The following OVOL2 variants were observed in gnomAD, a reference collection of about 807,000 sequenced individuals.
The protein encoded by OVOL2 is transcription factor Ovo-like 2.
OVOL2 carries 13 observed loss-of-function variants against 18.1 expected under a neutral mutation model. The ratio of observed to expected loss-of-function variants is 0.72; its 90% CI spans 0.47 to 1.14. The LOEUF is 1.14. Ranked by LOEUF, OVOL2 falls within the 50% of genes most tolerant of loss-of-function variation. The pLI, the probability that OVOL2 is intolerant of heterozygous loss-of-function variation, is 0.00. For synonymous variants in OVOL2, 166 were observed against 162.7 expected, an observed-to-expected ratio of 1.02 and a Z score of -0.16; for missense variants, 335 against 383.0, an observed-to-expected ratio of 0.87 and a Z score of 1.05.
chr20:18,027,515 G>A (rs536745466), intron 3 of OVOL2, among the ~76,000 whole-genome samples: 117 of 128,602 alleles, frequency 9.1e-4, no homozygotes, highest in Non-Finnish European at 1.5e-3. Flanking sequence ...GCAACAGAGC[G>A]CGACTCCGTC....
At chr20:18,039,346 G>A (rs987008686) in intron 3 of OVOL2, among the ~76,000 whole-genome samples, 1 of 152,192 alleles carries the variant, frequency 6.6e-6, no homozygotes, top group African/African-American at 2.4e-5. Flanking sequence ...TTTTGGCCGG[G>A]TGTGGTGGCT....
At chr20:18,027,884 T>C (rs1003612605) in intron 3 of OVOL2, among the ~76,000 whole-genome samples, 1 of 152,110 alleles carries the variant, frequency 6.6e-6, no homozygotes, top group African/African-American at 2.4e-5. Flanking sequence ...CGTGAGCCAC[T>C]GCGCCCGGCT....
At chr20:18,044,566 C>T (rs1336924181) in intron 2 of OVOL2, among the ~76,000 whole-genome samples, 1 of 152,148 alleles carries the variant, frequency 6.6e-6, no homozygotes, top group Non-Finnish European at 1.5e-5. Flanking sequence ...CCCCAGCTAA[C>T]ATTGATAAGT....
chr20:18,034,566 T>C (rs572183841), intron 3 of OVOL2, among the ~76,000 whole-genome samples: 4 of 152,108 alleles, frequency 2.6e-5, no homozygotes, highest in African/African-American at 9.6e-5. Flanking sequence ...TCTGCACAGG[T>C]CAGTTTCTCT....
chr20:18,032,670 CT>C (rs2036582495), intron 3 of OVOL2, among the ~76,000 whole-genome samples: 1 of 149,660 alleles, frequency 6.7e-6, no homozygotes, highest in South Asian at 2.1e-4. Flanking sequence ...CCATGCCCAG[CT>C]AATTTTTGTG....
chr20:18,041,332 T>A (rs1434373293), intron 3 of OVOL2, among the ~76,000 whole-genome samples: 1 of 152,034 alleles, frequency 6.6e-6, no homozygotes, highest in Non-Finnish European at 1.5e-5. Context: ...CCAGCTAATT[T>A]TTTTGTATTT....
At chr20:18,034,657 A>T (rs576263218) in intron 3 of OVOL2, among the ~76,000 whole-genome samples, 5,003 of 132,424 alleles carry the variant, frequency 0.038, 298 homozygotes, top group African/African-American at 0.15. Flanking sequence ...TCTCTCACAC[A>T]CACACACACA....
In OVOL2 at chr20:18,056,205, G is replaced by T. The variant is rs1438992624; in HGVS notation, c.321+452C>A. Reference sequence around the variant, plus strand: ...CCAGGTCCAGAACATAAGCATGGGGGGTGAACTCTCAGAATCGCGGCGCCA... The same window carrying T: ...CCAGGTCCAGAACATAAGCATGGGGTGTGAACTCTCAGAATCGCGGCGCCA... On this transcript the variant is annotated intron_variant, in intron 2 of 3. Coordinates refer to ENST00000278780, the MANE Select transcript of OVOL2 (RefSeq NM_021220.4). The surrounding 1 kb of genome is among the most constrained non-coding windows in gnomAD (Gnocchi z 4.2). Among the ~76,000 whole-genome samples the T allele has an allele frequency of 6.6e-6, 1 of 152,208 alleles. No individual in the cohort carries two copies. The highest frequency in any genetic ancestry group is 1.5e-5 in the Non-Finnish European group (1 of 68,042).
rs1214113744 is a variant in OVOL2, at chr20:18,024,478, A to G, written c.*158T>C. ...CTGACGTCACTAACGGCAACTGACA[A>G]TCTTGGAATGGACCCTACTGCTGAT... On this transcript the variant is annotated 3_prime_UTR_variant, in exon 4 of 4. Transcript: ENST00000278780. 5 of 1,405,162 alleles carry G rather than the reference A, an allele frequency of 3.6e-6. No individual in the cohort carries two copies. The highest frequency in any genetic ancestry group is 2.8e-6 in the Non-Finnish European group (3 of 1,072,638). 87.0% of individuals were successfully genotyped at this position (1,405,162 alleles called of 1,614,324 possible).
At chr20:18,034,547 CAG>C (rs1158087539) in intron 3 of OVOL2, among the ~76,000 whole-genome samples, 3 of 152,070 alleles carry the variant, frequency 2.0e-5, no homozygotes, top group Non-Finnish European at 2.9e-5. Flanking sequence ...CAAAATATTA[CAG>C]AGTTTTTCTG....
At chr20:18,033,830 C>A (rs1435562578) in intron 3 of OVOL2, among the ~76,000 whole-genome samples, 3 of 152,146 alleles carry the variant, frequency 2.0e-5, no homozygotes, top group Non-Finnish European at 2.9e-5. Context: ...CAAACCAAAT[C>A]GTTTACTTCA....
At chr20:18,053,965 C>T (rs1393155664) in intron 2 of OVOL2, among the ~76,000 whole-genome samples, 3 of 152,168 alleles carry the variant, frequency 2.0e-5, no homozygotes, top group Non-Finnish European at 4.4e-5. Flanking sequence ...CAGGCCCACC[C>T]GCCTCCCTTC....
At chr20:18,026,404 C>G (rs7271912) in intron 3 of OVOL2, among the ~76,000 whole-genome samples, 1 of 134,612 alleles carries the variant, frequency 7.4e-6, no homozygotes, top group East Asian at 2.1e-4. Context: ...TTTTTTGAGA[C>G]GGAGTCTGGC....
At chr20:18,035,025 A>G (rs1420472877) in intron 3 of OVOL2, among the ~76,000 whole-genome samples, 1 of 152,206 alleles carries the variant, frequency 6.6e-6, no homozygotes, top group Non-Finnish European at 1.5e-5. Flanking sequence ...TTGGACTGCA[A>G]ACAAACATAC....
intron 2 of OVOL2, among the ~76,000 whole-genome samples, chr20:18,054,507 C>G (rs547874806): frequency 6.6e-6 from 1 of 152,284 alleles, no homozygotes; most frequent in African/African-American, 2.4e-5. Flanking sequence ...CTTTGGGAGG[C>G]TGAGGCAGGC....
chr20:18,027,152 A>G (rs1163833253), intron 3 of OVOL2, among the ~76,000 whole-genome samples: 2 of 152,184 alleles, frequency 1.3e-5, no homozygotes, highest in African/African-American at 4.8e-5. Flanking sequence ...GACAGAAGCA[A>G]GCACACTAAG....
At chr20:18,049,753 C>T (rs1209929536) in intron 2 of OVOL2, among the ~76,000 whole-genome samples, 3 of 152,114 alleles carry the variant, frequency 2.0e-5, no homozygotes, top group South Asian at 2.1e-4. Flanking sequence ...GAATGTGGTC[C>T]GTCATCTGCA....
intron 2 of OVOL2, among the ~76,000 whole-genome samples, chr20:18,055,615 G>C (rs2036814360): frequency 6.6e-6 from 1 of 152,166 alleles, no homozygotes; most frequent in Admixed American, 6.5e-5. Flanking sequence ...CTGGGAATAC[G>C]CAATGTGCAT....
At chr20:18,025,150 T>C (rs749637342) in intron 3 of OVOL2, among the ~76,000 whole-genome samples, 198 bp from the exon 4 acceptor site, 2 of 152,076 alleles carry the variant, frequency 1.3e-5, no homozygotes, top group South Asian at 2.1e-4. Flanking sequence ...GATGCCAACA[T>C]AGAAAACAAA....
Sources: allele counts gnomAD v4.1 joint callset (sites outside exome capture counted in the v4.1 genomes callset), GRCh38; gene constraint gnomAD v4.1.1; non-coding constraint Gnocchi (gnomAD v3.1); transcripts MANE v1.5; gene names NCBI Gene and HGNC (gene_info 2026-07-23, HGNC 2026-07-21).